Variants in CRADD observed in about 807,000 individuals in gnomAD.
The protein encoded by CRADD is CARD and death domain containing adaptor protein.
CRADD carries 9 observed loss-of-function variants against 15.5 expected under a neutral mutation model. That is an observed-to-expected ratio of 0.58 (90% CI 0.35 to 1.01). The LOEUF (loss-of-function observed/expected upper bound fraction) is 1.01, where lower values mean the gene tolerates loss of function less well. Ranked by LOEUF, CRADD falls within the 50% of genes least tolerant of loss-of-function variation. CRADD has a pLI of 0.02. For missense variants in CRADD, 227 were observed against 250.3 expected, an observed-to-expected ratio of 0.91 and a Z score of 0.63; for synonymous variants, 118 against 107.6, an observed-to-expected ratio of 1.10 and a Z score of -0.60.
At chr12:93,681,092 C>T (rs377347394) in intron 2 of CRADD, among the ~76,000 whole-genome samples, 28 of 152,114 alleles carry the variant, frequency 1.8e-4, no homozygotes, top group African/African-American at 6.8e-4. Context: ...CCATGTTGGT[C>T]AGGCTGGTCT....
chr12:93,703,413 A>G (rs1955879732), intron 2 of CRADD, among the ~76,000 whole-genome samples: 1 of 146,750 alleles, frequency 6.8e-6, no homozygotes, highest in African/African-American at 2.5e-5. Context: ...GCTTGAGTGC[A>G]GCAGCGTGAT....
intron 2 of CRADD, among the ~76,000 whole-genome samples, chr12:93,703,905 T>G (rs929056326): frequency 1.3e-5 from 2 of 152,092 alleles, no homozygotes; most frequent in African/African-American, 4.8e-5. Flanking sequence ...CTGTGAAATT[T>G]TATTACCTTT....
At chr12:93,893,133 T>G (rs1958588520) in intron 2 of CRADD, among the ~76,000 whole-genome samples, 1 of 152,174 alleles carries the variant, frequency 6.6e-6, no homozygotes, top group Non-Finnish European at 1.5e-5. Context: ...TCTGCCAGTG[T>G]GAACAGGAGA....
At chr12:93,885,436 G>GCCCCC (rs138828699) in intron 2 of CRADD, among the ~76,000 whole-genome samples, 6 of 151,400 alleles carry the variant, frequency 4.0e-5, no homozygotes, top group African/African-American at 1.2e-4. Context: ...AGGTCCTCGT[G>GCCCCC]CCCCCGCCAC....
At chr12:93,680,511 C>T (rs1955259040) in intron 2 of CRADD, among the ~76,000 whole-genome samples, 1 of 152,188 alleles carries the variant, frequency 6.6e-6, no homozygotes, top group Admixed American at 6.5e-5. Context: ...CATTCCTAGT[C>T]TGGGCTCGTT....
Position 93,859,320 on chromosome 12 carries a change from G to A in CRADD, c.299-34730G>A, listed in dbSNP as rs1018906828. 8 of 455,806 alleles carry A rather than the reference G, an allele frequency of 1.8e-5. 1 individual carries two copies. Among genetic ancestry groups the A allele is most frequent in the African/African-American group, 1.4e-4 (7 of 50,026 alleles). The allele number at this position is 455,806 out of a possible 1,614,324, so 28.2% of individuals were successfully genotyped here. On this transcript the variant is annotated intron_variant, in intron 2 of 2. Coordinates refer to the CRADD transcript ENST00000548483. ...TGGTTAACTTGTCTTTTGTTATAGG[G>A]TGTTGGCCATGATCCTTATGATGGG... is the stretch of plus-strand genomic sequence containing the variant.
intron 2 of CRADD, among the ~76,000 whole-genome samples, chr12:93,823,715 C>G (rs1456874972): frequency 1.3e-5 from 2 of 152,106 alleles, no homozygotes; most frequent in South Asian, 4.1e-4. Context: ...GCCTGTGGTT[C>G]ACGCAGAAGT....
At chr12:93,747,966 T>C (rs1428905382) in intron 2 of CRADD, among the ~76,000 whole-genome samples, 1 of 152,140 alleles carries the variant, frequency 6.6e-6, no homozygotes, top group Admixed American at 6.5e-5. Context: ...CCTTAAGTGG[T>C]TTGCTCAGCT....
At chr12:93,861,130 G>GGTA (rs1958316524) in intron 2 of CRADD, among the ~76,000 whole-genome samples, 1 of 152,226 alleles carries the variant, frequency 6.6e-6, no homozygotes, top group Non-Finnish European at 1.5e-5. Context: ...AGAGGGGAAG[G>GGTA]GTAGTGGCTG....
At chr12:93,787,316 T>G (rs796900774) in intron 2 of CRADD, among the ~76,000 whole-genome samples, 194 of 148,662 alleles carry the variant, frequency 1.3e-3, no homozygotes, top group East Asian at 7.1e-3. Flanking sequence ...TTTTTTTTTT[T>G]TTTTTTTTTT....
At chr12:93,737,290 ACT>A (rs1379132274) in intron 2 of CRADD, among the ~76,000 whole-genome samples, 1 of 152,116 alleles carries the variant, frequency 6.6e-6, no homozygotes, top group Non-Finnish European at 1.5e-5. Flanking sequence ...TAGGTTATGG[ACT>A]CTCTTTGGAG....
chr12:93,685,008 T>C (rs1252803896), intron 2 of CRADD, among the ~76,000 whole-genome samples: 1 of 152,138 alleles, frequency 6.6e-6, no homozygotes, highest in Non-Finnish European at 1.5e-5. Flanking sequence ...AGTTGATACG[T>C]GGATGTGGGA....
chr12:93,733,966 G>A (rs1378687302), intron 2 of CRADD, among the ~76,000 whole-genome samples: 1 of 152,014 alleles, frequency 6.6e-6, no homozygotes, highest in Admixed American at 6.6e-5. Context: ...CAAACTCCTG[G>A]GCTCAGGCCA....
At chr12:93,846,296 A>G (rs1404429033) in intron 2 of CRADD, among the ~76,000 whole-genome samples, 1 of 152,204 alleles carries the variant, frequency 6.6e-6, no homozygotes, top group South Asian at 2.1e-4. Context: ...GTATATACCC[A>G]GAAGTGGGAT....
intron 2 of CRADD, among the ~76,000 whole-genome samples, chr12:93,701,830 C>CT (rs1454248352): frequency 6.6e-6 from 1 of 151,870 alleles, no homozygotes; most frequent in Non-Finnish European, 1.5e-5. Flanking sequence ...TGCCTGAGCT[C>CT]TTTTTTTTGG....
chr12:93,843,950 G>A (rs1450408559), intron 2 of CRADD, among the ~76,000 whole-genome samples: 1 of 152,100 alleles, frequency 6.6e-6, no homozygotes, highest in Non-Finnish European at 1.5e-5. Context: ...TGGAACTCCT[G>A]ACCTCAAGTG....
At chr12:93,781,863 A>G (rs1023067903) in intron 2 of CRADD, among the ~76,000 whole-genome samples, 7 of 152,244 alleles carry the variant, frequency 4.6e-5, no homozygotes, top group African/African-American at 1.7e-4. Context: ...TATAAATGCT[A>G]CGAGAAAAAA....
chr12:93,805,161 A>G (rs1194507403), intron 2 of CRADD, among the ~76,000 whole-genome samples: 2 of 152,078 alleles, frequency 1.3e-5, no homozygotes, highest in African/African-American at 2.4e-5. Context: ...AGCAATTCTG[A>G]AGACCAAATC....
At chr12:93,793,026 A>C (rs1565916223) in intron 2 of CRADD, among the ~76,000 whole-genome samples, 1 of 152,216 alleles carries the variant, frequency 6.6e-6, no homozygotes, top group Non-Finnish European at 1.5e-5. Context: ...ATAGTCACAT[A>C]TGTATCATTA....
Sources: gnomAD v4.1 joint callset for allele counts (sites outside exome capture counted in the v4.1 genomes callset) on GRCh38, gnomAD v4.1.1 for gene constraint, MANE v1.5 for transcripts, NCBI Gene and HGNC (gene_info 2026-07-23, HGNC 2026-07-21) for gene names.